ACTR3C: variants seen among roughly 807,000 people sequenced by gnomAD.
The protein encoded by ACTR3C is actin-related protein 3C.
Under a neutral mutation model 26.3 loss-of-function variants are expected in ACTR3C, and 18 were observed. The ratio of observed to expected loss-of-function variants is 0.68; its 90% CI spans 0.47 to 1.01. The LOEUF (loss-of-function observed/expected upper bound fraction) is 1.01. Ranked by LOEUF, ACTR3C falls within the 50% of genes least tolerant of loss-of-function variation. The probability of loss-of-function intolerance (pLI) is 0.00; values close to 1 mark genes in which losing one functional copy is unlikely to be tolerated. For missense variants in ACTR3C, 184 were observed against 250.7 expected, an observed-to-expected ratio of 0.73 and a Z score of 1.80; for synonymous variants, 55 against 94.5, an observed-to-expected ratio of 0.58 and a Z score of 2.42.
chr7:150,001,379 C>A, the ACTR3C span: 2 of 152,282 alleles, frequency 1.3e-5, no homozygotes, highest in African/African-American at 2.4e-5. Context: ...GCGCCCCCTG[C>A]GGGAAACGTT....
chr7:150,186,506 T>A, the ACTR3C span, among the ~76,000 whole-genome samples: 8 of 152,124 alleles, frequency 5.3e-5, no homozygotes, highest in African/African-American at 1.7e-4. Context: ...TTAATCAGGA[T>A]AAAAAACACG....
At chr7:150,213,506 G>C in the ACTR3C span, among the ~76,000 whole-genome samples, 2 of 151,920 alleles carry the variant, frequency 1.3e-5, no homozygotes, top group African/African-American at 4.8e-5. Flanking sequence ...GGAAAGCACA[G>C]AAAGGGAATC....
At chr7:150,149,857 GGTTT>G in the ACTR3C span, among the ~76,000 whole-genome samples, 3 of 152,136 alleles carry the variant, frequency 2.0e-5, no homozygotes, top group East Asian at 5.8e-4. Context: ...AAAAGCTTTA[GGTTT>G]GTTTTCTACA....
the ACTR3C span, among the ~76,000 whole-genome samples, chr7:150,037,839 C>G: frequency 1.4e-5 from 1 of 70,900 alleles, no homozygotes; most frequent in African/African-American, 5.5e-5. Context: ...CCCTGCCTCG[C>G]GGAGGGTGCC....
At chr7:149,998,834 G>A in the ACTR3C span, among the ~76,000 whole-genome samples, 2 of 150,492 alleles carry the variant, frequency 1.3e-5, 1 homozygote, top group African/African-American at 4.9e-5. Context: ...AGAAGTGAGT[G>A]AGCACAACCC....
the ACTR3C span, among the ~76,000 whole-genome samples, chr7:150,168,890 G>A: frequency 3.3e-5 from 5 of 150,902 alleles, no homozygotes; most frequent in Non-Finnish European, 5.9e-5. Context: ...TCTAGGGAAA[G>A]CCAAAGAACC....
chr7:150,204,266 G>C, the ACTR3C span, among the ~76,000 whole-genome samples: 1 of 144,402 alleles, frequency 6.9e-6, no homozygotes, highest in Non-Finnish European at 1.5e-5. Context: ...CATGTGAAGA[G>C]AGGGGACTGT....
At chr7:150,019,249 T>C in the ACTR3C span, among the ~76,000 whole-genome samples, 437 of 150,472 alleles carry the variant, frequency 2.9e-3, 11 homozygotes, top group Admixed American at 0.024. Flanking sequence ...TTACAGAGGA[T>C]ACTTGTACAG....
the ACTR3C span, among the ~76,000 whole-genome samples, chr7:150,035,162 C>T: frequency 2.2e-5 from 3 of 138,812 alleles, no homozygotes; most frequent in African/African-American, 5.3e-5. Context: ...GGTCCTAAGC[C>T]AGGGGGGGAA....
chr7:150,263,301 C>A (rs1179264924), intron 6 of ACTR3C, among the ~76,000 whole-genome samples: 530 of 151,516 alleles, frequency 3.5e-3, no homozygotes, highest in African/African-American at 0.012. Flanking sequence ...CTGGAGACCT[C>A]ATATTTCCTG....
At chr7:149,975,959 C>T in the ACTR3C span, among the ~76,000 whole-genome samples, 1 of 152,258 alleles carries the variant, frequency 6.6e-6, no homozygotes, top group East Asian at 1.9e-4. Flanking sequence ...ATTTCATTCA[C>T]CAAAACCAAA....
the ACTR3C span, among the ~76,000 whole-genome samples, chr7:150,201,050 C>T: frequency 6.6e-6 from 1 of 152,218 alleles, no homozygotes; most frequent in Non-Finnish European, 1.5e-5. Flanking sequence ...AACTTTCTAG[C>T]TTATTCCCTC....
the ACTR3C span, among the ~76,000 whole-genome samples, chr7:150,175,815 CAA>C: frequency 8.6e-5 from 4 of 46,260 alleles, no homozygotes; most frequent in Non-Finnish European, 8.4e-5. Flanking sequence ...TCCATCTGAA[CAA>C]AAAAAAAAAA....
chr7:149,918,274 T>A, the ACTR3C span, among the ~76,000 whole-genome samples: 1 of 152,200 alleles, frequency 6.6e-6, no homozygotes, highest in South Asian at 2.1e-4. Context: ...CCAGTTAAAG[T>A]GTTTTAAAAG....
the ACTR3C span, among the ~76,000 whole-genome samples, chr7:150,142,192 C>T: frequency 1.3e-5 from 2 of 152,182 alleles, no homozygotes. Context: ...GTGAGGTCTC[C>T]TCCTCCTCCC....
At chr7:150,018,879 A>C in the ACTR3C span, among the ~76,000 whole-genome samples, 12 of 148,244 alleles carry the variant, frequency 8.1e-5, 1 homozygote, top group African/African-American at 3.1e-4. Flanking sequence ...TTCAAGGTGA[A>C]AGATATATTT....
At chr7:150,092,399 T>C in the ACTR3C span, among the ~76,000 whole-genome samples, 17 of 151,494 alleles carry the variant, frequency 1.1e-4, no homozygotes, top group African/African-American at 3.9e-4. Flanking sequence ...ACAGCCCTGG[T>C]GCCAGAGCTG....
the ACTR3C span, among the ~76,000 whole-genome samples, chr7:150,202,259 C>T: frequency 5.9e-5 from 9 of 152,098 alleles, no homozygotes; most frequent in East Asian, 1.9e-4. Flanking sequence ...GAGAACAAGA[C>T]GTTTCATTGA....
At chr7:149,904,146 C>T in the ACTR3C span, among the ~76,000 whole-genome samples, 5 of 147,482 alleles carry the variant, frequency 3.4e-5, no homozygotes, top group Admixed American at 1.4e-4. Flanking sequence ...GTCTCTAACT[C>T]GTGGCCTCAA....
Sources: gnomAD v4.1 joint callset for allele counts (sites outside exome capture counted in the v4.1 genomes callset) on GRCh38, gnomAD v4.1.1 for gene constraint, MANE v1.5 for transcripts, NCBI Gene and HGNC (gene_info 2026-07-23, HGNC 2026-07-21) for gene names.